The following LMF1 variants were observed in gnomAD, a reference collection of about 807,000 sequenced individuals.
LMF1 encodes lipase maturation factor 1, also known as transmembrane protein 112.
In LMF1, 68 loss-of-function variants were observed where a neutral mutation model predicts 60.6. The observed-to-expected ratio is 1.12, with a 90% confidence interval of 0.92 to 1.37. LMF1 has a LOEUF of 1.37. Ranked by LOEUF, LMF1 falls within the 40% of genes most tolerant of loss-of-function variation. LMF1 has a pLI of 0.00. For missense variants in LMF1, 948 were observed against 767.2 expected, an observed-to-expected ratio of 1.24 and a Z score of -2.78; for synonymous variants, 418 against 324.7, an observed-to-expected ratio of 1.29 and a Z score of -3.09.
rs200317237 is a variant in LMF1, at chr16:916,973, C to T, written c.515-5894G>A. Among the ~76,000 whole-genome samples the T allele has an allele frequency of 8.5e-5, 13 of 152,320 alleles. No homozygotes were observed. In the East Asian group the frequency reaches 1.9e-3, roughly 23 times the overall value. ...TGAATATTGAGCTCCGGGTCTGTTA[C>T]GGCTATTTCTCTGCGCAGCGAGCTC... is the stretch of plus-strand genomic sequence containing the variant. On this transcript the variant is annotated intron_variant, in intron 3 of 10. Transcript: ENST00000262301.
chr16:868,775 GC>G (rs1051846750), intron 10 of LMF1, among the ~76,000 whole-genome samples, 168 bp downstream of exon 10: 8 of 146,384 alleles, frequency 5.5e-5, no homozygotes, highest in Non-Finnish European at 7.5e-5. Flanking sequence ...CTGATGTGGG[GC>G]GGGGGGGGGG....
chr16:899,820 A>G (rs896639818), intron 4 of LMF1: 1 of 152,200 alleles, frequency 6.6e-6, no homozygotes, highest in Non-Finnish European at 1.5e-5. Flanking sequence ...GAAGGCGCAA[A>G]CCTGTTGAGC....
chr16:892,922 G>T, intron 5 of LMF1, 85 bp downstream of exon 5: 2 of 1,008,538 alleles, frequency 2.0e-6, no homozygotes, highest in Non-Finnish European at 2.9e-6. Context: ...GCTCACCAGG[G>T]TGTGCAGGAC....
At chr16:905,400 G>T (rs1278258553) in intron 4 of LMF1, among the ~76,000 whole-genome samples, 1 of 152,236 alleles carries the variant, frequency 6.6e-6, no homozygotes, top group African/African-American at 2.4e-5. Flanking sequence ...CTGTGTGGTG[G>T]TGACTTCTGC....
chr16:951,931 T>G (rs1476754544), intron 2 of LMF1, among the ~76,000 whole-genome samples: 1 of 152,152 alleles, frequency 6.6e-6, no homozygotes, highest in African/African-American at 2.4e-5. Context: ...GCCTGGGGCA[T>G]CGGGGGCAAA....
chr16:955,800 A>C (rs1385967069), intron 1 of LMF1, among the ~76,000 whole-genome samples: 1 of 152,238 alleles, frequency 6.6e-6, no homozygotes, highest in Admixed American at 6.5e-5. Context: ...CACCATTATG[A>C]AACACACCCT....
At chr16:877,930 A>G (rs1178741514) in intron 6 of LMF1, among the ~76,000 whole-genome samples, 2 of 152,164 alleles carry the variant, frequency 1.3e-5, no homozygotes, top group African/African-American at 4.8e-5. Context: ...CACCATTTAC[A>G]ACATCAACAA....
rs565309621 is a variant in LMF1 at position 962,626 on chromosome 16, G to A, written c.194-7960C>T. Reference sequence around the variant, plus strand: ...CGAGGAAACACCAGACGGACCCAACGTGAGGGACGCTCTACAGACGCCATG... The same window carrying A: ...CGAGGAAACACCAGACGGACCCAACATGAGGGACGCTCTACAGACGCCATG... On this transcript the variant is annotated intron_variant, in intron 1 of 10. Transcript: ENST00000262301. The surrounding 1 kb of genome is among the most constrained non-coding windows in gnomAD (Gnocchi z 4.5). Among the ~76,000 whole-genome samples, 7 of 152,290 alleles carry A rather than the reference G, an allele frequency of 4.6e-5. No homozygotes were observed. The highest frequency in any genetic ancestry group is 1.9e-4 in the East Asian group (1 of 5,178).
intron 5 of LMF1, among the ~76,000 whole-genome samples, chr16:885,856 C>A (rs573846262): frequency 6.6e-6 from 1 of 152,200 alleles, no homozygotes; most frequent in South Asian, 2.1e-4. Context: ...TTGAAAAACA[C>A]TATTGGCCAA....
intron 1 of LMF1, among the ~76,000 whole-genome samples, chr16:978,360 CACACAT>C (rs1301198989): frequency 6.6e-6 from 1 of 151,840 alleles, no homozygotes. Flanking sequence ...ACACCACACA[CACACAT>C]GAACACACGC....
At chr16:898,108 A>T (rs1016674733) in intron 4 of LMF1, among the ~76,000 whole-genome samples, 1 of 152,192 alleles carries the variant, frequency 6.6e-6, no homozygotes, top group African/African-American at 2.4e-5. Context: ...GCTCCTGATG[A>T]AGGGGACCCA....
intron 10 of LMF1, among the ~76,000 whole-genome samples, chr16:867,983 G>A (rs920791127): frequency 4.6e-5 from 7 of 152,206 alleles, no homozygotes; most frequent in East Asian, 3.9e-4. Flanking sequence ...CCCAGCTCCC[G>A]AGTGTTCTTG....
At chr16:930,595 T>C (rs2071752027) in intron 3 of LMF1, among the ~76,000 whole-genome samples, 1 of 152,150 alleles carries the variant, frequency 6.6e-6, no homozygotes, top group South Asian at 2.1e-4. Context: ...GGTGTGGTCA[T>C]CCTGAGAAAA....
Position 874,327 on chromosome 16 carries a change from A to C in LMF1, c.898-2986T>G, listed in dbSNP as rs1293595001. ...TGAGCGGGCGTGGGGTGCAGCCACCACAGGGCAAGGAGCCCTTTGGGCAGG... is the reference window on the plus strand; with the variant it reads ...TGAGCGGGCGTGGGGTGCAGCCACCCCAGGGCAAGGAGCCCTTTGGGCAGG... On this transcript the variant is annotated intron_variant, in intron 6 of 10. Transcript: ENST00000262301. The surrounding 1 kb of genome is among the most constrained non-coding windows in gnomAD (Gnocchi z 4.1). 6.8e-6 allele frequency among the ~76,000 whole-genome samples: 1 copy of C among 145,992 alleles called. No individual in the cohort carries two copies. The highest frequency in any genetic ancestry group is 2.5e-5 in the African/African-American group (1 of 40,520).
intron 2 of LMF1, among the ~76,000 whole-genome samples, chr16:946,844 C>G (rs966251747): frequency 2.6e-5 from 4 of 152,224 alleles, no homozygotes; most frequent in Non-Finnish European, 4.4e-5. Context: ...CGGTGCCAAG[C>G]AGGGGCTCAG....
intron 1 of LMF1, among the ~76,000 whole-genome samples, chr16:964,851 C>T (rs551821956): frequency 3.2e-3 from 483 of 152,340 alleles, no homozygotes; most frequent in Non-Finnish European, 5.1e-3. Flanking sequence ...CCAATGGCAC[C>T]GCGGCCCCAC....
chr16:976,607 C>A (rs375744448), intron 1 of LMF1: 5 of 453,936 alleles, frequency 1.1e-5, no homozygotes, highest in East Asian at 6.9e-5. Context: ...CATTATCAGA[C>A]GAGAAGTGCA....
At chr16:951,756 C>T (rs2151469191) in intron 2 of LMF1, among the ~76,000 whole-genome samples, 1 of 152,354 alleles carries the variant, frequency 6.6e-6, no homozygotes, top group South Asian at 2.1e-4. Flanking sequence ...CGGAACCTCA[C>T]ACCTCCAGTG....
intron 1 of LMF1, chr16:976,306 G>A (rs1470134593): frequency 2.2e-6 from 1 of 452,796 alleles, no homozygotes; most frequent in East Asian, 6.9e-5. Flanking sequence ...GCTGGGGTCT[G>A]GGGTTCAGTG....
Sources: gnomAD v4.1 joint callset for allele counts (sites outside exome capture counted in the v4.1 genomes callset) on GRCh38, gnomAD v4.1.1 for gene constraint, Gnocchi (gnomAD v3.1) non-coding constraint, MANE v1.5 for transcripts, NCBI Gene and HGNC (gene_info 2026-07-23, HGNC 2026-07-21) for gene names.